AEN: variants seen among roughly 807,000 people sequenced by gnomAD.
The protein encoded by AEN is apoptosis-enhancing nuclease.
In AEN, 21 loss-of-function variants were observed where a neutral mutation model predicts 17.7. The ratio of observed to expected loss-of-function variants is 1.19; its 90% CI spans 0.84 to 1.71. The LOEUF is 1.71. AEN is among the 40% of genes most tolerant of loss of function. AEN has a pLI of 0.00. For synonymous variants in AEN, 190 were observed against 173.0 expected (o/e 1.10, Z -0.77); for missense variants, 462 against 435.9 (o/e 1.06, Z -0.53).
chr15:88,626,664 C>T lies in AEN; in HGVS notation c.455C>T (p.Pro152Leu), dbSNP rs1395628830. 6.2e-7 allele frequency: 1 copy of T among 1,613,766 alleles called. No homozygotes were observed. The highest frequency in any genetic ancestry group is 8.5e-7 in the Non-Finnish European group (1 of 1,180,020). The part of the protein sequence containing the change: ...LYDKYIRPEM[P>L]IADYRTRWSG... The stretch of plus-strand genomic sequence containing the variant: ...GACAAGTACATCAGGCCTGAGATGC[C>T]CATCGCTGACTACCGTACCCGCTGG... The change falls in exon 2 of 4, where the codon CCC (proline) becomes CTC (leucine). Residue 152 changes from proline to leucine, a missense_variant. Coordinates refer to ENST00000332810, the MANE Select transcript of AEN (RefSeq NM_022767.4).
At chr15:88,611,797 T>A in the AEN span, 1 of 463,214 alleles carries the variant, frequency 2.2e-6, no homozygotes, top group Non-Finnish European at 4.4e-6. Context: ...GGGAGGGGGG[T>A]GGTCCTCGAA....
Position 88,630,485 on chromosome 15 carries a change from G to A in AEN, c.*191G>A, listed in dbSNP as rs981846077. ...CAGCATAGCCCTCTCTCTCTCCAGG[G>A]CTGTTGGTTCTTTCTTCTGACTCCT... On this transcript the variant is annotated 3_prime_UTR_variant, in exon 4 of 4. Coordinates refer to ENST00000332810, the MANE Select transcript of AEN (RefSeq NM_022767.4). The surrounding 1 kb of genome is among the most constrained non-coding windows in gnomAD (Gnocchi z 5.1). 6.5e-5 allele frequency: 39 copies of A among 600,924 alleles called. No individual in the cohort carries two copies. The highest frequency in any genetic ancestry group is 1.1e-4 in the African/African-American group (6 of 53,826). The allele number at this position is 600,924 out of a possible 1,614,324, so 37.2% of individuals were successfully genotyped here. A position where few individuals can be genotyped will look rare whatever the true frequency, so the allele number is the denominator to read the frequency against.
At chr15:88,620,916 T>G (rs1475959686), upstream of AEN, among the ~76,000 whole-genome samples, 1 of 152,150 alleles carries the variant, frequency 6.6e-6, no homozygotes, top group Non-Finnish European at 1.5e-5. Context: ...TAGTGCCTAC[T>G]GTGTATATTA....
chr15:88,611,960 C>T, the AEN span: 11 of 470,638 alleles, frequency 2.3e-5, no homozygotes, highest in Non-Finnish European at 4.3e-5. Flanking sequence ...TGGGGGCAGC[C>T]CCCCTTTTTG....
At chr15:88,610,488 C>G in the AEN span, among the ~76,000 whole-genome samples, 1 of 152,086 alleles carries the variant, frequency 6.6e-6, no homozygotes, top group Non-Finnish European at 1.5e-5. Flanking sequence ...AACACCTCTC[C>G]CTTACATCTT....
the AEN span, among the ~76,000 whole-genome samples, chr15:88,612,358 G>C: frequency 5.9e-5 from 9 of 152,000 alleles, no homozygotes; most frequent in Non-Finnish European, 8.8e-5. Context: ...TGGCAGCAGG[G>C]GGGACACACC....
chr15:88,629,239 T>C lies in AEN; in HGVS notation c.554T>C (p.Leu185Pro). Reference protein sequence around the residue: ...QVAQKEILKLLKGKVVVGHAL... With the variant: ...QVAQKEILKLPKGKVVVGHAL... The stretch of plus-strand genomic sequence containing the variant: ...TTCTGCTCACAGATCCTTAAGCTCC[T>C]GAAGGGCAAGGTGGTGGTGGGGCAC... The change falls in exon 3 of 4, where the codon CTG becomes CCG. Residue 185 changes from leucine (L) to proline (P), a missense_variant. Leu to Pro is a moderately conservative substitution (Grantham distance 98, BLOSUM62 -3). Transcript: ENST00000332810. 1.2e-6 allele frequency: 2 copies of C among 1,614,082 alleles called. No individual in the cohort carries two copies. Among genetic ancestry groups the C allele is most frequent in the Non-Finnish European group, 1.7e-6 (2 of 1,179,988 alleles).
chr15:88,625,534 T>G (rs973084785), intron 1 of AEN, among the ~76,000 whole-genome samples: 1 of 152,114 alleles, frequency 6.6e-6, no homozygotes, highest in Non-Finnish European at 1.5e-5. Flanking sequence ...AATAAATAAA[T>G]TACAGTTGGT....
chr15:88,614,594 G>C, the AEN span, among the ~76,000 whole-genome samples: 1 of 152,146 alleles, frequency 6.6e-6, no homozygotes, highest in Non-Finnish European at 1.5e-5. Context: ...CGCCTTAACT[G>C]CATCAACCGG....
upstream of AEN, among the ~76,000 whole-genome samples, chr15:88,616,698 T>A (rs1403080735): frequency 6.6e-6 from 1 of 152,228 alleles, no homozygotes; most frequent in South Asian, 2.1e-4. Flanking sequence ...TTTTTCAACT[T>A]TACAATAGTG....
At chr15:88,621,330 T>C (rs1228166818), upstream of AEN, 4 of 152,444 alleles carry the variant, frequency 2.6e-5, no homozygotes, top group African/African-American at 9.6e-5. Flanking sequence ...ATGTGGGAGC[T>C]GCCGGCTTTC....
At chr15:88,626,824 T>A in intron 2 of AEN, 75 bp downstream of exon 2, 1 of 1,497,354 alleles carries the variant, frequency 6.7e-7, no homozygotes, top group South Asian at 1.2e-5. Context: ...GAATCACCAC[T>A]TTGCTTCACT....
At chr15:88,629,573 C>A (rs1445579252) in intron 3 of AEN, 147 bp downstream of exon 3, 5 of 902,944 alleles carry the variant, frequency 5.5e-6, no homozygotes, top group African/African-American at 3.4e-5. Context: ...TTAAATGGGT[C>A]TCCCTCCTGT....
chr15:88,607,587 A>G, the AEN span, among the ~76,000 whole-genome samples: 130 of 152,372 alleles, frequency 8.5e-4, no homozygotes, highest in South Asian at 0.024. Flanking sequence ...AGTTTGTTTT[A>G]AACTGAGATA....
At chr15:88,609,947 C>T in the AEN span, among the ~76,000 whole-genome samples, 1 of 152,202 alleles carries the variant, frequency 6.6e-6, no homozygotes, top group Non-Finnish European at 1.5e-5. Flanking sequence ...AGAGTCCCTG[C>T]TCTCATAGTG....
rs1258396468 is a variant in AEN, at chr15:88,631,508, ACT to A, written c.*1217_*1218del. ...AGATACTAAGCAAGCGAGGGACTTCACTCTTGAGGCTGTTTTTTCCTCATCTG... is the reference window on the plus strand; with the variant it reads ...AGATACTAAGCAAGCGAGGGACTTCACTTGAGGCTGTTTTTTCCTCATCTG... On this transcript the variant is annotated 3_prime_UTR_variant, in exon 4 of 4. Transcript: ENST00000332810. 4.7e-6 allele frequency: 1 copy of A among 210,922 alleles called. No homozygotes were observed. The highest frequency in any genetic ancestry group is 1.0e-5 in the Non-Finnish European group (1 of 100,070). 13.1% of individuals were successfully genotyped at this position (210,922 alleles called of 1,614,324 possible).
At chr15:88,628,934 T>G (rs1441975026) in intron 2 of AEN, 1 of 348,254 alleles carries the variant, frequency 2.9e-6, no homozygotes, top group Non-Finnish European at 5.4e-6. Flanking sequence ...ACAGGAAGAC[T>G]TCCATCCATG....
chr15:88,615,385 G>A, the AEN span, among the ~76,000 whole-genome samples: 1 of 152,106 alleles, frequency 6.6e-6, no homozygotes, highest in African/African-American at 2.4e-5. Context: ...AGTTGGGGGA[G>A]GGTACAAAGG....
chr15:88,613,565 G>A, the AEN span, among the ~76,000 whole-genome samples: 1 of 145,790 alleles, frequency 6.9e-6, no homozygotes, highest in African/African-American at 2.5e-5. Context: ...GAGAGATTGT[G>A]TCTCAGTGAA....
Sources: allele counts gnomAD v4.1 joint callset (sites outside exome capture counted in the v4.1 genomes callset), GRCh38; gene constraint gnomAD v4.1.1; non-coding constraint Gnocchi (gnomAD v3.1); transcripts MANE v1.5; gene names NCBI Gene and HGNC (gene_info 2026-07-23, HGNC 2026-07-21).